INTS1: variants seen among roughly 807,000 people sequenced by gnomAD.
The protein encoded by INTS1 is integrator complex subunit 1.
In INTS1, 137 loss-of-function variants were observed where a neutral mutation model predicts 241.6. The ratio of observed to expected loss-of-function variants is 0.57; its 90% CI spans 0.49 to 0.65. INTS1 has a LOEUF of 0.65. Ranked by LOEUF, INTS1 falls within the 30% of genes least tolerant of loss-of-function variation. INTS1 has a pLI of 0.00. For missense variants in INTS1, 3,073 were observed against 3,032.2 expected (o/e 1.01, Z -0.32); for synonymous variants, 1,692 against 1,337.8 (o/e 1.26, Z -5.78).
intron 27 of INTS1, chr7:1,482,272 T>C (rs995430976): frequency 7.3e-5 from 25 of 343,414 alleles, no homozygotes; most frequent in Non-Finnish European, 1.2e-4. Context: ...CCACTTTCTC[T>C]TTTTTCCATC....
intron 20 of INTS1, 53 bp downstream of exon 20, chr7:1,487,267 G>A: frequency 7.7e-6 from 12 of 1,550,726 alleles, no homozygotes; most frequent in East Asian, 2.4e-5. Flanking sequence ...CCTCCGGAAG[G>A]TTCCGGGCCT....
At chr7:1,488,828 C>A (rs1287614678) in intron 18 of INTS1, among the ~76,000 whole-genome samples, 1 of 152,204 alleles carries the variant, frequency 6.6e-6, no homozygotes, top group Non-Finnish European at 1.5e-5. Flanking sequence ...GGTGGTGAGC[C>A]CTGGGCGTCT....
At chr7:1,484,221 C>A in intron 24 of INTS1, 51 bp from the exon 25 acceptor site, 2 of 1,561,088 alleles carry the variant, frequency 1.3e-6, no homozygotes, top group African/African-American at 1.3e-5. Context: ...CTCTGCTCTC[C>A]GGCCAGCTGG....
rs188172866 is a variant in INTS1 at position 1,497,368 on chromosome 7, C to T, written c.1426-54G>A. On this transcript the variant is annotated intron_variant, in intron 10 of 47. Coordinates refer to ENST00000404767, the MANE Select transcript of INTS1 (RefSeq NM_001080453.3). This position sits in a 1 kb window ranked among gnomAD's most constrained non-coding sequence, Gnocchi z 5.3. ...CTGCCCGACAGTGCTGTCCCTGTCA[C>T]AGGCCCCTTCCCGCAGCACCAACAG... 17 of 1,552,138 alleles carry T rather than the reference C, an allele frequency of 1.1e-5. No homozygotes were observed. The East Asian group carries it at 3.9e-4, about 35-fold the overall frequency.
In INTS1 at chr7:1,493,783, A is replaced by C; in HGVS notation, c.2039T>G (p.Val680Gly). The C allele has an allele frequency of 6.3e-7, 1 of 1,579,242 alleles. No homozygotes were observed. Among genetic ancestry groups the C allele is most frequent in the South Asian group, 1.2e-5 (1 of 86,112 alleles). Reference protein sequence around the residue: ...ADAMELADHLVKRAAAVQADD... With the variant: ...ADAMELADHLGKRAAAVQADD... ...CGCCTGCACGGCAGCCGCCCGCTTC[A>C]CCAGGTGGTCAGCAAGCTCCATGGC... The change falls in exon 15 of 48, where the codon GTG (valine) becomes GGG (glycine). Residue 680 changes from valine to glycine, a missense_variant. Physicochemically the swap from Val to Gly is moderately radical, Grantham distance 109. Transcript: ENST00000404767. The surrounding 1 kb of genome is among the most constrained non-coding windows in gnomAD (Gnocchi z 5.3).
intron 29 of INTS1, 122 bp downstream of exon 29, chr7:1,480,713 G>T (rs1246599792): frequency 6.1e-6 from 5 of 817,680 alleles, no homozygotes. Flanking sequence ...GGTGGCATCA[G>T]CAAGTGTGCA....
chr7:1,481,492 AG>A lies in INTS1; in HGVS notation c.3704-5del. 1 of 1,606,220 alleles carries A rather than the reference AG, an allele frequency of 6.2e-7. No homozygotes were observed. The highest frequency in any genetic ancestry group is 8.5e-7 in the Non-Finnish European group (1 of 1,176,582). ...TGCGGCTCCAGGTCCTGCAGGGCTG[AG>A]GGTGCACGCGCTCCGTAACGCCACC... On this transcript the variant is annotated splice_polypyrimidine_tract_variant and splice_region_variant and intron_variant, in intron 27 of 47. Coordinates refer to ENST00000404767, the MANE Select transcript of INTS1 (RefSeq NM_001080453.3). The surrounding 1 kb of genome is among the most constrained non-coding windows in gnomAD (Gnocchi z 6.8).
chr7:1,497,312 G>T lies in INTS1; in HGVS notation c.1428C>A (p.Phe476Leu). Residue 476 changes from phenylalanine (F) to leucine (L), a missense_variant and splice_region_variant, in exon 11 of 48, where the codon TTC becomes TTA. Physicochemically the swap from Phe to Leu is conservative, Grantham distance 22 (BLOSUM62 0). Coordinates refer to ENST00000404767, the MANE Select transcript of INTS1 (RefSeq NM_001080453.3). This position sits in a 1 kb window ranked among gnomAD's most constrained non-coding sequence, Gnocchi z 5.3. Reference protein sequence around the residue: ...LQHSSELAPKFLAMVFQDLLT... With the variant: ...LQHSSELAPKLLAMVFQDLLT... ...GCAGGTCCTGGAACACCATGGCCAG[G>T]AACTGGGGCAGAGAGAGGCCGCGTG... 6.2e-7 allele frequency: 1 copy of T among 1,612,028 alleles called. No homozygotes were observed. Among genetic ancestry groups the T allele is most frequent in the South Asian group, 1.1e-5 (1 of 90,924 alleles).
rs564668435 is a variant in INTS1, at chr7:1,504,016, G to A, written c.-41-15C>T. The stretch of plus-strand genomic sequence containing the variant: ...TGCGGCGTCACCTGCGGAGGAGCCA[G>A]CGTGCGGTCATTCCTTCACTCATTC... On this transcript the variant is annotated splice_polypyrimidine_tract_variant and intron_variant, in intron 1 of 47. Coordinates refer to ENST00000404767, the MANE Select transcript of INTS1 (RefSeq NM_001080453.3). 290 of 1,326,892 alleles carry A rather than the reference G, an allele frequency of 2.2e-4. No individual in the cohort carries two copies. Among genetic ancestry groups the A allele is most frequent in the Non-Finnish European group, 2.8e-4 (265 of 957,264 alleles). The allele number at this position is 1,326,892 out of a possible 1,614,324, so 82.2% of individuals were successfully genotyped here.
Position 1,476,637 on chromosome 7 carries a change from A to C in INTS1, c.5084T>G (p.Leu1695Arg). ...REQRFDPSASLDFLWACIHVP... is the reference protein window; with the variant it reads ...REQRFDPSASRDFLWACIHVP... ...ATGGATGCAGGCCCAGAGGAAGTCC[A>C]GAGAGGCAGAGGGGTCGAACCTGTG... The change falls in exon 37 of 48, where the codon CTG becomes CGG. Residue 1695 changes from leucine to arginine, a missense_variant. Coordinates refer to ENST00000404767, the MANE Select transcript of INTS1 (RefSeq NM_001080453.3). 3 of 1,612,680 alleles carry C rather than the reference A, an allele frequency of 1.9e-6. No individual in the cohort carries two copies. The highest frequency in any genetic ancestry group is 2.5e-6 in the Non-Finnish European group (3 of 1,179,872).
At chr7:1,473,516 T>C (rs1358924634) in intron 42 of INTS1, 50 bp downstream of exon 42, 2 of 1,551,564 alleles carry the variant, frequency 1.3e-6, no homozygotes, top group South Asian at 2.4e-5. Context: ...CAGACCCCGC[T>C]GGACCCTCGC....
rs201873966 is a variant in INTS1, at chr7:1,473,084, C to T, written c.6058G>A (p.Glu2020Lys). Residue 2020 changes from glutamate to lysine, a missense_variant, in exon 43 of 48, where the codon GAA becomes AAA. Physicochemically the swap from Glu to Lys is moderately conservative, Grantham distance 56. Transcript: ENST00000404767. Reference sequence around the variant, plus strand: ...CAGCCCCACTCACCCTCGCCCTCTTCGTCCAGGCCTCGGTCGGTCCTGTCG... The same window carrying T: ...CAGCCCCACTCACCCTCGCCCTCTTTGTCCAGGCCTCGGTCGGTCCTGTCG... Reference protein sequence around the residue: ...RDDRTDRGLDEEGEEESSAGS... With the variant: ...RDDRTDRGLDKEGEEESSAGS... The T allele has an allele frequency of 2.2e-3, 3,563 of 1,604,448 alleles. 12 individuals are homozygous for T. The highest frequency in any genetic ancestry group is 2.1e-3 in the Non-Finnish European group (2,455 of 1,174,212).
Position 1,493,862 on chromosome 7 carries a change from T to C in INTS1, c.1960A>G (p.Met654Val). ...GACAGCCCGATGACCAGGATGCGCA[T>C]CAGCGTGTCCTCCAAAATGGGCACC... The part of the protein sequence containing the change: ...SEVPILEDTL[M>V]RILVIGLSRE... Residue 654 changes from methionine to valine, a missense_variant, in exon 15 of 48, where the codon ATG becomes GTG. Physicochemically the swap from Met to Val is conservative, Grantham distance 21 (BLOSUM62 1). Coordinates refer to ENST00000404767, the MANE Select transcript of INTS1 (RefSeq NM_001080453.3). This position sits in a 1 kb window ranked among gnomAD's most constrained non-coding sequence, Gnocchi z 5.3. 6.4e-7 allele frequency: 1 copy of C among 1,567,000 alleles called. No individual in the cohort carries two copies. The highest frequency in any genetic ancestry group is 8.6e-7 in the Non-Finnish European group (1 of 1,156,716).
At chr7:1,482,430 C>A in intron 27 of INTS1, 116 bp downstream of exon 27, 1 of 1,029,316 alleles carries the variant, frequency 9.7e-7, no homozygotes, top group South Asian at 1.7e-5. Context: ...CCTGAGGCTA[C>A]CCGGCCAGTC....
At chr7:1,489,564 C>T (rs751091052) in intron 17 of INTS1, 27 bp downstream of exon 17, 10 of 1,547,244 alleles carry the variant, frequency 6.5e-6, no homozygotes, top group East Asian at 2.4e-5. Context: ...GCCACGTGTG[C>T]GCATGGGGCG....
intron 14 of INTS1, 131 bp from the exon 15 acceptor site, chr7:1,494,042 G>A: frequency 1.7e-6 from 2 of 1,164,066 alleles, no homozygotes; most frequent in Non-Finnish European, 2.4e-6. Context: ...CCTCCCACGA[G>A]CCTATCCCCT....
chr7:1,476,955 G>A lies in INTS1; in HGVS notation c.4939-37C>T, dbSNP rs375865417. The A allele has an allele frequency of 1.2e-5, 19 of 1,590,114 alleles. No homozygotes were observed. In the African/African-American group the frequency reaches 2.3e-4, roughly 19 times the overall value. Reference sequence around the variant, plus strand: ...GGAAGAAGCCCGGATGGCCTCACCTGGGCCAATGGCAGGCTCTGCTGAAGT... The same window carrying A: ...GGAAGAAGCCCGGATGGCCTCACCTAGGCCAATGGCAGGCTCTGCTGAAGT... On this transcript the variant is annotated intron_variant, in intron 35 of 47. Transcript: ENST00000404767.
In INTS1 at chr7:1,500,018, G is replaced by C; in HGVS notation, c.550C>G (p.Leu184Val). ...IFATEGVIEA[L>V]CSLLRRDASI... ...GCGTCCCGCCGCAGGAGGCTACACA[G>C]AGCCTGCCAGGGAGGGCGCATGTCA... The change falls in exon 5 of 48, where the codon CTG becomes GTG. Residue 184 changes from leucine (L) to valine (V), a missense_variant. Transcript: ENST00000404767. 4 of 1,613,230 alleles carry C rather than the reference G, an allele frequency of 2.5e-6. No individual in the cohort carries two copies. Among genetic ancestry groups the C allele is most frequent in the Non-Finnish European group, 3.4e-6 (4 of 1,179,764 alleles).
At position 1,481,358 on chromosome 7, in the gene INTS1, C is replaced by G. The variant is rs762529894; in HGVS notation, c.3834G>C (p.Gln1278His). 6 of 1,612,936 alleles carry G rather than the reference C, an allele frequency of 3.7e-6. No individual in the cohort carries two copies. The highest frequency in any genetic ancestry group is 2.5e-6 in the Non-Finnish European group (3 of 1,179,796). Reference protein sequence around the residue: ...AVAHDPQTLEQNIMDKNYMAH... With the variant: ...AVAHDPQTLEHNIMDKNYMAH... The stretch of plus-strand genomic sequence containing the variant: ...GCATCTTACTCTTGTCCATGATGTT[C>G]TGCTCCAGAGTCTGGGGGTCGTGGG... Residue 1278 changes from glutamine to histidine, a missense_variant, in exon 28 of 48, where the codon CAG becomes CAC. Gln to His is a conservative substitution (Grantham distance 24, BLOSUM62 0). Transcript: ENST00000404767. The surrounding 1 kb of genome is among the most constrained non-coding windows in gnomAD (Gnocchi z 6.8).
Sources: gnomAD v4.1 joint callset for allele counts (sites outside exome capture counted in the v4.1 genomes callset) on GRCh38, gnomAD v4.1.1 for gene constraint, Gnocchi (gnomAD v3.1) non-coding constraint, MANE v1.5 for transcripts, NCBI Gene and HGNC (gene_info 2026-07-23, HGNC 2026-07-21) for gene names.